The following NOS1AP variants were observed in gnomAD, a reference collection of about 807,000 sequenced individuals.
NOS1AP encodes the protein nitric oxide synthase 1 adaptor protein, also known as carboxyl-terminal PDZ ligand of neuronal nitric oxide synthase protein.
NOS1AP carries 21 observed loss-of-function variants against 56.2 expected under a neutral mutation model. The ratio of observed to expected loss-of-function variants is 0.37; its 90% CI spans 0.26 to 0.54. The LOEUF (loss-of-function observed/expected upper bound fraction) is 0.54, where lower values mean the gene tolerates loss of function less well. Among genes scored for constraint, NOS1AP ranks in the 20% least tolerant of loss-of-function variants. The pLI, the probability that NOS1AP is intolerant of heterozygous loss-of-function variation, is 0.84. For synonymous variants in NOS1AP, 270 were observed against 274.6 expected (o/e 0.98, Z 0.17); for missense variants, 522 against 657.8 (o/e 0.79, Z 2.26).
chr1:162,107,851 A>G (rs1335188344), intron 1 of NOS1AP, among the ~76,000 whole-genome samples: 1 of 152,202 alleles, frequency 6.6e-6, no homozygotes, highest in African/African-American at 2.4e-5. Context: ...GGCTGTTTTT[A>G]AATTATCATT....
intron 1 of NOS1AP, among the ~76,000 whole-genome samples, chr1:162,100,203 A>G (rs936256537): frequency 3.9e-5 from 6 of 151,954 alleles, no homozygotes; most frequent in East Asian, 1.9e-4. Context: ...CTGAGGAATC[A>G]CCACACTGAC....
chr1:162,153,584 A>G (rs1396173062), intron 1 of NOS1AP, among the ~76,000 whole-genome samples: 2 of 152,236 alleles, frequency 1.3e-5, no homozygotes, highest in African/African-American at 4.8e-5. Context: ...TATGTAATGT[A>G]ATAGTCCTGT....
chr1:162,298,003 C>A (rs867278183), intron 3 of NOS1AP, among the ~76,000 whole-genome samples: 40 of 152,296 alleles, frequency 2.6e-4, no homozygotes, highest in African/African-American at 9.1e-4. Flanking sequence ...ATAAAAGCCC[C>A]AACAAAAGCC....
chr1:162,320,725 G>C (rs1050892446), intron 4 of NOS1AP, among the ~76,000 whole-genome samples: 1 of 152,078 alleles, frequency 6.6e-6, no homozygotes, highest in African/African-American at 2.4e-5. Context: ...GTGGTGGCGC[G>C]CGCCTGTAGT....
chr1:162,104,623 T>G (rs1647427452), intron 1 of NOS1AP, among the ~76,000 whole-genome samples: 1 of 152,196 alleles, frequency 6.6e-6, no homozygotes. Context: ...ATTCTTCTTT[T>G]CTCTGCTCTT....
At chr1:162,073,597 A>G (rs1023971996) in intron 1 of NOS1AP, among the ~76,000 whole-genome samples, 1 of 152,132 alleles carries the variant, frequency 6.6e-6, no homozygotes, top group Admixed American at 6.5e-5. Flanking sequence ...GGTAGCTGGG[A>G]TAACAGGCAT....
chr1:162,236,644 C>T (rs754230048), intron 2 of NOS1AP, among the ~76,000 whole-genome samples: 35 of 48,072 alleles, frequency 7.3e-4, no homozygotes, highest in South Asian at 4.2e-3. Flanking sequence ...AACACTCCAG[C>T]CCCCCTTTCC....
intron 2 of NOS1AP, among the ~76,000 whole-genome samples, chr1:162,232,970 G>A (rs1653169377): frequency 6.6e-6 from 1 of 152,132 alleles, no homozygotes; most frequent in African/African-American, 2.4e-5. Context: ...CCAGAAAGAG[G>A]ATGAGGCAGA....
At chr1:162,270,481 A>G (rs1010948219) in intron 2 of NOS1AP, among the ~76,000 whole-genome samples, 4 of 152,220 alleles carry the variant, frequency 2.6e-5, no homozygotes, top group Non-Finnish European at 4.4e-5. Context: ...TATAAAATCA[A>G]TCCCCTGAGT....
chr1:162,093,796 T>G (rs1189097487), intron 1 of NOS1AP, among the ~76,000 whole-genome samples: 1 of 152,100 alleles, frequency 6.6e-6, no homozygotes, highest in African/African-American at 2.4e-5. Flanking sequence ...CAGGTGATCC[T>G]CCCACTTTGG....
intron 6 of NOS1AP, among the ~76,000 whole-genome samples, chr1:162,354,767 G>A (rs1479564258): frequency 1.3e-5 from 2 of 152,268 alleles, no homozygotes; most frequent in Middle Eastern, 3.4e-3. Flanking sequence ...AGAGAGTGAG[G>A]GGATTTGCTT....
At chr1:162,158,513 A>G (rs1179102308) in intron 2 of NOS1AP, among the ~76,000 whole-genome samples, 1 of 152,220 alleles carries the variant, frequency 6.6e-6, no homozygotes, top group Non-Finnish European at 1.5e-5. Context: ...ATACCCAGAA[A>G]TGTGATCGCT....
At chr1:162,182,017 C>T (rs1383621161) in intron 2 of NOS1AP, among the ~76,000 whole-genome samples, 1 of 152,158 alleles carries the variant, frequency 6.6e-6, no homozygotes, top group South Asian at 2.1e-4. Flanking sequence ...CTTCTATTTA[C>T]ATTGTTATTT....
intron 2 of NOS1AP, among the ~76,000 whole-genome samples, chr1:162,241,883 C>T (rs1653499201): frequency 1.3e-5 from 2 of 152,192 alleles, no homozygotes; most frequent in Admixed American, 1.3e-4. Context: ...ACTTTTTCAG[C>T]AACCCTGGGA....
chr1:162,355,335 C>T lies in NOS1AP; in HGVS notation c.744C>T (p.Gly248=). ...TAGATGCTGTAGGGAAGGAAGGAGG[C>T]TCTCACACAGGCTCCAAGGTAGGCA... ...TDLDAVGKEG[G]SHTGSKVSHP... is the part of the protein sequence containing the mutation. Residue 248 remains glycine (G), a synonymous_variant, in exon 7 of 10, where the codon GGC becomes GGT. Transcript: ENST00000361897. The T allele has an allele frequency of 1.2e-6, 2 of 1,614,128 alleles. No homozygotes were observed. The highest frequency in any genetic ancestry group is 2.2e-5 in the South Asian group (2 of 91,076).
At chr1:162,189,950 G>A (rs1651564816) in intron 2 of NOS1AP, among the ~76,000 whole-genome samples, 1 of 152,176 alleles carries the variant, frequency 6.6e-6, no homozygotes, top group African/African-American at 2.4e-5. Flanking sequence ...CAGCAACAGA[G>A]GGATGGTTTG....
In NOS1AP at chr1:162,329,361, A is replaced by AAGAGAG. The variant is rs112676244; in HGVS notation, c.345-3638_345-3633dup. Reference sequence around the variant, plus strand: ...TGAGCCAAGATTTCACCAAGAAAAAAAGAGAGAGAGAGAGAGAGAGAGAAA... The same window carrying AAGAGAG: ...TGAGCCAAGATTTCACCAAGAAAAAAAGAGAGAGAGAGAGAGAGAGAGAGAGAGAAA... On this transcript the variant is annotated intron_variant, in intron 4 of 9. Transcript: ENST00000361897. Among the ~76,000 whole-genome samples, 330 of 148,800 alleles carry AAGAGAG rather than the reference A, an allele frequency of 2.2e-3. 1 individual carries two copies. The highest frequency in any genetic ancestry group is 7.1e-3 in the African/African-American group (287 of 40,596).
At chr1:162,362,381 G>C (rs548571501) in intron 8 of NOS1AP, among the ~76,000 whole-genome samples, 2 of 151,798 alleles carry the variant, frequency 1.3e-5, no homozygotes, top group East Asian at 1.9e-4. Context: ...AACCCAGGAG[G>C]GAGAGGTTGC....
At chr1:162,358,934 C>A (rs1444630918) in intron 8 of NOS1AP, among the ~76,000 whole-genome samples, 4 of 152,158 alleles carry the variant, frequency 2.6e-5, no homozygotes, top group African/African-American at 9.7e-5. Context: ...AGGAAGCATT[C>A]AATCTCCAAA....
Sources: allele counts gnomAD v4.1 joint callset (sites outside exome capture counted in the v4.1 genomes callset), GRCh38; gene constraint gnomAD v4.1.1; transcripts MANE v1.5; gene names NCBI Gene and HGNC (gene_info 2026-07-23, HGNC 2026-07-21).